DNA2: variants seen among roughly 807,000 people sequenced by gnomAD.
The protein encoded by DNA2 is DNA replication helicase/nuclease 2.
In DNA2, 101 loss-of-function variants were observed where a neutral mutation model predicts 119.1. That is an observed-to-expected ratio of 0.85 (90% CI 0.72 to 1.00). DNA2 has a LOEUF of 1.00. DNA2 is among the 50% of genes least tolerant of loss of function. The pLI is 0.00. For missense variants in DNA2, 1,121 were observed against 1,255.5 expected (o/e 0.89, Z 1.62); for synonymous variants, 366 against 424.4 (o/e 0.86, Z 1.69).
At chr10:68,441,318 A>G (rs556132734) in intron 9 of DNA2, among the ~76,000 whole-genome samples, 2 of 145,818 alleles carry the variant, frequency 1.4e-5, no homozygotes, top group African/African-American at 5.1e-5. Context: ...AGGGCAGCAG[A>G]GTGTGACCCT....
intron 14 of DNA2, chr10:68,424,720 A>C: frequency 1.3e-6 from 2 of 1,593,218 alleles, no homozygotes; most frequent in South Asian, 2.2e-5. Flanking sequence ...AAGGACGACG[A>C]GGTCCAGGTA....
At chr10:68,431,532 G>A (rs754306334) in intron 13 of DNA2, among the ~76,000 whole-genome samples, 115 of 152,002 alleles carry the variant, frequency 7.6e-4, no homozygotes, top group Non-Finnish European at 1.3e-3. Flanking sequence ...TGATCCGCCC[G>A]CCTTGGCCTC....
In DNA2 at chr10:68,471,927, A is replaced by T; in HGVS notation, c.-63T>A. 2 of 1,613,636 alleles carry T rather than the reference A, an allele frequency of 1.2e-6. No homozygotes were observed. The highest frequency in any genetic ancestry group is 1.7e-6 in the Non-Finnish European group (2 of 1,179,618). ...CAGCGGAACCGGGGGTAACACAGAA[A>T]GCTTAGAAAAGGGAAAAAGGCGCGA... On this transcript the variant is annotated 5_prime_UTR_variant, in exon 1 of 21. Coordinates refer to ENST00000358410, the MANE Select transcript of DNA2 (RefSeq NM_001080449.3).
Position 68,465,713 on chromosome 10 carries a change from C to T in DNA2, c.541G>A (p.Glu181Lys). 1 of 1,607,904 alleles carries T rather than the reference C, an allele frequency of 6.2e-7. No homozygotes were observed. Among genetic ancestry groups the T allele is most frequent in the Non-Finnish European group, 8.5e-7 (1 of 1,177,558 alleles). ...TCTTGAATTGTTTGAAAAGCAAGTT[C>T]TTGTAGCTTTTCTGGGGCAAAGCTA... ...NNSFAPEKLQ[E>K]LAFQTIQEIR... Residue 181 changes from glutamate to lysine, a missense_variant, in exon 4 of 21, where the codon GAA becomes AAA. Glu to Lys is a moderately conservative substitution (Grantham distance 56, BLOSUM62 1). Coordinates refer to ENST00000358410, the MANE Select transcript of DNA2 (RefSeq NM_001080449.3).
chr10:68,437,393 C>T (rs576957176), intron 9 of DNA2, among the ~76,000 whole-genome samples, 152 bp from the exon 10 acceptor site: 18 of 151,848 alleles, frequency 1.2e-4, no homozygotes, highest in Middle Eastern at 3.4e-3. Flanking sequence ...CCCAACACTC[C>T]AGGAGGCCGA....
Position 68,450,043 on chromosome 10 carries a change from A to C in DNA2, c.924T>G (p.Ile308Met). 5 of 1,591,090 alleles carry C rather than the reference A, an allele frequency of 3.1e-6. No homozygotes were observed. Among genetic ancestry groups the C allele is most frequent in the Non-Finnish European group, 4.3e-6 (5 of 1,167,012 alleles). The change falls in exon 6 of 21, where the codon ATT (isoleucine) becomes ATG (methionine). Residue 308 changes from isoleucine to methionine, a missense_variant. By Grantham distance (10) the Ile-to-Met change is conservative. Transcript: ENST00000358410. ...ACATTTATACCTGACTACGGTGTTCAATAGAATTTGATTCTTTGCCAGTTT... is the reference window on the plus strand; with the variant it reads ...ACATTTATACCTGACTACGGTGTTCCATAGAATTTGATTCTTTGCCAGTTT... Reference protein sequence around the residue: ...ELKTGKESNSIEHRSQVVLYT... With the variant: ...ELKTGKESNSMEHRSQVVLYT...
intron 1 of DNA2, 63 bp downstream of exon 1, chr10:68,471,728 C>T: frequency 2.0e-6 from 3 of 1,488,456 alleles, no homozygotes; most frequent in Non-Finnish European, 2.7e-6. Flanking sequence ...CGGACGCAGC[C>T]TCTCCCGCTC....
In DNA2 at chr10:68,432,504, C is replaced by G; in HGVS notation, c.1653G>C (p.Leu551Phe). The G allele has an allele frequency of 6.5e-7, 1 of 1,539,844 alleles. No individual in the cohort carries two copies. The highest frequency in any genetic ancestry group is 8.8e-7 in the Non-Finnish European group (1 of 1,136,196). ...ACAAAGTTGATTCTGGAAGGACCGA[C>G]AAGTTTCTAAAACAACAAAACAAAT... The part of the protein sequence containing the change: ...TTVTCLLDRN[L>F]SVLPESTLFR... Residue 551 changes from leucine to phenylalanine, a missense_variant, in exon 11 of 21, where the codon TTG becomes TTC. Coordinates refer to ENST00000358410, the MANE Select transcript of DNA2 (RefSeq NM_001080449.3).
chr10:68,471,859 C>T lies in DNA2; in HGVS notation c.6G>A (p.Glu2=), dbSNP rs780208394. The T allele has an allele frequency of 7.4e-6, 12 of 1,613,844 alleles. No homozygotes were observed. The African/African-American group carries it at 1.6e-4, about 22-fold the overall frequency. Residue 2 remains glutamate, a synonymous_variant, in exon 1 of 21, where the codon GAG becomes GAA. Coordinates refer to ENST00000358410, the MANE Select transcript of DNA2 (RefSeq NM_001080449.3). M[E]QLNELELLME... ...TCAGCAGCTCCAGTTCGTTCAGCTG[C>T]TCCATCCTGGACGCGGGGATCGCAA...
intron 20 of DNA2, among the ~76,000 whole-genome samples, chr10:68,415,592 T>C (rs2051578411): frequency 6.6e-6 from 1 of 151,570 alleles, no homozygotes; most frequent in African/African-American, 2.4e-5. Flanking sequence ...TTATTTATCT[T>C]AGCCTACTTC....
intron 6 of DNA2, among the ~76,000 whole-genome samples, 166 bp from the exon 7 acceptor site, chr10:68,446,579 TCAAA>T (rs1410056760): frequency 6.6e-6 from 1 of 152,152 alleles, no homozygotes; most frequent in Non-Finnish European, 1.5e-5. Context: ...AAATTTGATG[TCAAA>T]CATTTAATCT....
chr10:68,445,869 G>A lies in DNA2; in HGVS notation c.1057+427C>T, dbSNP rs542482639. On this transcript the variant is annotated intron_variant, in intron 7 of 20. Coordinates refer to ENST00000358410, the MANE Select transcript of DNA2 (RefSeq NM_001080449.3). ...TGGCCAGGTACAGTGGCTCATGCCT[G>A]TAATCCCAGCACTTTCAGAGACCAA... 3.3e-5 allele frequency among the ~76,000 whole-genome samples: 5 copies of A among 152,226 alleles called. No homozygotes were observed. The South Asian group carries it at 1.0e-3, about 32-fold the overall frequency.
upstream of DNA2, chr10:68,472,219 C>G (rs1483234983): frequency 8.1e-7 from 1 of 1,228,064 alleles, no homozygotes; most frequent in African/African-American, 1.6e-5. Flanking sequence ...TTCAGCCTCC[C>G]AAGTAGCTGG....
At position 68,422,529 on chromosome 10, in the gene DNA2, C is replaced by T; in HGVS notation, c.2478G>A (p.Gln826=). 1 of 1,613,978 alleles carries T rather than the reference C, an allele frequency of 6.2e-7. No homozygotes were observed. Among genetic ancestry groups the T allele is most frequent in the Non-Finnish European group, 8.5e-7 (1 of 1,179,830 alleles). The change falls in exon 16 of 21, where the codon CAG becomes CAA. Residue 826 remains glutamine (Q), a synonymous_variant. Coordinates refer to ENST00000358410, the MANE Select transcript of DNA2 (RefSeq NM_001080449.3). Reference sequence around the variant, plus strand: ...GTTACAAATACCTGTTCATTCTGTACTGCACGGTTAACTGTACAACAGCAC... The same window carrying T: ...GTTACAAATACCTGTTCATTCTGTATTGCACGGTTAACTGTACAACAGCAC... ...NKSAVVQLTV[Q]YRMNSKIMSL...
intron 14 of DNA2, chr10:68,424,502 T>G (rs1194317393): frequency 1.8e-6 from 1 of 555,298 alleles, no homozygotes; most frequent in Non-Finnish European, 3.2e-6. Flanking sequence ...AGTCACTGTC[T>G]CAAAAAAAAA....
At chr10:68,418,001 G>GGTGGTT (rs1384299823) in intron 19 of DNA2, among the ~76,000 whole-genome samples, 2 of 152,202 alleles carry the variant, frequency 1.3e-5, no homozygotes, top group Non-Finnish European at 2.9e-5. Flanking sequence ...TGCTGGGGAA[G>GGTGGTT]AAGAAAATGG....
chr10:68,456,315 G>A (rs1268194083), intron 5 of DNA2, among the ~76,000 whole-genome samples: 3 of 152,166 alleles, frequency 2.0e-5, no homozygotes, highest in Non-Finnish European at 2.9e-5. Context: ...CTAAATTACA[G>A]CCAAACTGGG....
At chr10:68,445,273 T>C (rs938301746) in intron 7 of DNA2, among the ~76,000 whole-genome samples, 190 bp from the exon 8 acceptor site, 6 of 152,208 alleles carry the variant, frequency 3.9e-5, no homozygotes, top group Admixed American at 2.0e-4. Context: ...AAGACTAGCC[T>C]AACCAACACG....
At position 68,448,932 on chromosome 10, in the gene DNA2, G is replaced by GGT. The variant is rs776191186; in HGVS notation, c.939+1094_939+1095dup. Among the ~76,000 whole-genome samples, 402 of 142,236 alleles carry GGT rather than the reference G, an allele frequency of 2.8e-3. 7 individuals are homozygous for GGT. Among genetic ancestry groups the GGT allele is most frequent in the South Asian group, 0.014 (61 of 4,396 alleles). 93.3% of individuals were successfully genotyped at this position (142,236 alleles called of 152,430 possible). ...ACTACAGGCATGTGCCACCACACCA[G>GGT]GTGTGTGTGTGTGTGTGTGTGTGTG... On this transcript the variant is annotated intron_variant, in intron 6 of 20. Coordinates refer to ENST00000358410, the MANE Select transcript of DNA2 (RefSeq NM_001080449.3).
Sources: allele counts gnomAD v4.1 joint callset (sites outside exome capture counted in the v4.1 genomes callset), GRCh38; gene constraint gnomAD v4.1.1; transcripts MANE v1.5; gene names NCBI Gene and HGNC (gene_info 2026-07-23, HGNC 2026-07-21).